DUSP22: variants seen among roughly 807,000 people sequenced by gnomAD.
DUSP22 encodes dual specificity protein phosphatase 22.
A neutral mutation model predicts 24.5 loss-of-function variants in DUSP22; 24 were observed. The ratio of observed to expected loss-of-function variants is 0.98; its 90% confidence interval spans 0.71 to 1.38. The LOEUF (loss-of-function observed/expected upper bound fraction) is 1.38. Ranked by LOEUF, DUSP22 falls within the 40% of genes most tolerant of loss-of-function variation. The probability of loss-of-function intolerance (pLI) is 0.00; values close to 1 mark genes in which losing one functional copy is unlikely to be tolerated. For missense variants in DUSP22, 330 were observed against 269.2 expected (o/e 1.23, Z -1.58); for synonymous variants, 160 against 106.4 (o/e 1.50, Z -3.10).
At chr6:312,221 AG>A (rs1242883039) in intron 3 of DUSP22, among the ~76,000 whole-genome samples, 3 of 152,308 alleles carry the variant, frequency 2.0e-5, no homozygotes, top group Non-Finnish European at 4.4e-5. Context: ...GAATAAGCTG[AG>A]GCTGCATTTC....
At chr6:296,181 T>G (rs2127387902) in intron 1 of DUSP22, among the ~76,000 whole-genome samples, 1 of 152,422 alleles carries the variant, frequency 6.6e-6, no homozygotes, top group African/African-American at 2.4e-5. Flanking sequence ...GGCAAGAAAC[T>G]AAAACTTTTT....
At chr6:311,834 A>G (rs1487501773) in intron 2 of DUSP22, 46 bp from the exon 3 acceptor site, 13 of 1,576,184 alleles carry the variant, frequency 8.2e-6, no homozygotes, top group Non-Finnish European at 1.1e-5. Flanking sequence ...AGGAGTAATT[A>G]ACTTGCAAAG....
At chr6:301,646 TGAGAGG>T (rs1757586156) in intron 1 of DUSP22, among the ~76,000 whole-genome samples, 1 of 152,290 alleles carries the variant, frequency 6.6e-6, no homozygotes, top group Non-Finnish European at 1.5e-5. Flanking sequence ...AGGGAGACTG[TGAGAGG>T]CCTTCTAATT....
At chr6:309,479 A>G (rs1757967191) in intron 2 of DUSP22, among the ~76,000 whole-genome samples, 1 of 152,300 alleles carries the variant, frequency 6.6e-6, no homozygotes, top group African/African-American at 2.4e-5. Context: ...TGGAGCAATG[A>G]AAAGAGTCTT....
At chr6:314,378 C>T (rs1308461945) in intron 3 of DUSP22, among the ~76,000 whole-genome samples, 1 of 152,282 alleles carries the variant, frequency 6.6e-6, no homozygotes, top group Non-Finnish European at 1.5e-5. Flanking sequence ...GGTCCTGCTA[C>T]ATCCATGCAG....
chr6:322,427 C>G (rs1000668539), intron 3 of DUSP22, among the ~76,000 whole-genome samples: 1 of 152,300 alleles, frequency 6.6e-6, no homozygotes, highest in Non-Finnish European at 1.5e-5. Context: ...TCAGGGTACT[C>G]TGGCCCCAGT....
Position 349,516 on chromosome 6 carries a change from G to A in DUSP22, c.*565G>A, listed in dbSNP as rs1055944273. The A allele has an allele frequency of 1.0e-6, 1 of 992,786 alleles. No homozygotes were observed. Among genetic ancestry groups the A allele is most frequent in the Non-Finnish European group, 1.2e-6 (1 of 834,930 alleles). The allele number at this position is 992,786 out of a possible 1,614,324, so 61.5% of individuals were successfully genotyped here. A position where few individuals can be genotyped will look rare whatever the true frequency, so the allele number is the denominator to read the frequency against. ...CTCTGAGCAGACCGTGAGAACTCAG[G>A]GGACGAGTGGCTAAGAGCATGGCCT... On this transcript the variant is annotated 3_prime_UTR_variant, in exon 7 of 7. Coordinates refer to ENST00000419235, the MANE Select transcript of DUSP22 (RefSeq NM_001286555.3).
chr6:345,028 A>G (rs985351999), intron 4 of DUSP22, among the ~76,000 whole-genome samples: 21 of 152,402 alleles, frequency 1.4e-4, no homozygotes, highest in African/African-American at 4.6e-4. Context: ...TGTGGTAACT[A>G]TGTGTTTCAG....
intron 4 of DUSP22, among the ~76,000 whole-genome samples, chr6:343,880 A>G: frequency 6.6e-6 from 1 of 152,428 alleles, no homozygotes; most frequent in East Asian, 1.9e-4. Context: ...AATGTCTTAC[A>G]GTTTATCAGA....
rs966218564 is a variant in DUSP22, at chr6:351,094, G to C, written c.*2143G>C. On this transcript the variant is annotated 3_prime_UTR_variant, in exon 7 of 7. Coordinates refer to ENST00000419235, the MANE Select transcript of DUSP22 (RefSeq NM_001286555.3). ...ACTGCTGTGGAGGTTTCTGTACCTC[G>C]CTTGGATGCCTGTAAGGATCCCGGG... 5.8e-6 allele frequency: 4 copies of C among 689,882 alleles called. No individual in the cohort carries two copies. Among genetic ancestry groups the C allele is most frequent in the South Asian group, 2.0e-5 (1 of 50,410 alleles). The allele number at this position is 689,882 out of a possible 1,614,324, so 42.7% of individuals were successfully genotyped here.
At chr6:346,360 G>A (rs113672874) in intron 5 of DUSP22, among the ~76,000 whole-genome samples, 6,592 of 150,164 alleles carry the variant, frequency 0.044, no homozygotes, top group African/African-American at 0.15. Context: ...TCAGTATCGC[G>A]CTACTGTGAC....
chr6:293,968 G>A (rs1425347866), intron 1 of DUSP22, among the ~76,000 whole-genome samples: 1 of 152,236 alleles, frequency 6.6e-6, no homozygotes, highest in Non-Finnish European at 1.5e-5. Context: ...TAAGTCTGTG[G>A]GCTCCGTTTG....
chr6:310,775 G>T (rs1263570523), intron 2 of DUSP22, among the ~76,000 whole-genome samples: 2 of 152,304 alleles, frequency 1.3e-5, no homozygotes, highest in East Asian at 1.9e-4. Context: ...GTCTCATGCA[G>T]AAAGACTGAC....
chr6:293,625 G>T (rs1757194770), intron 1 of DUSP22, among the ~76,000 whole-genome samples: 1 of 152,286 alleles, frequency 6.6e-6, no homozygotes, highest in Admixed American at 6.5e-5. Context: ...GGGTGTTGGG[G>T]CTGGAGTGTT....
chr6:321,031 A>G (rs1218436702), intron 3 of DUSP22, among the ~76,000 whole-genome samples: 1 of 152,298 alleles, frequency 6.6e-6, no homozygotes, highest in African/African-American at 2.4e-5. Context: ...CACCCAGGGG[A>G]GGCGGCTAAC....
intron 2 of DUSP22, among the ~76,000 whole-genome samples, chr6:307,947 C>T (rs1217645745): frequency 6.6e-6 from 1 of 152,308 alleles, no homozygotes; most frequent in African/African-American, 2.4e-5. Context: ...ATATGTCCAT[C>T]CAGACTTATT....
At chr6:338,237 T>TAAC (rs1759450029) in intron 4 of DUSP22, among the ~76,000 whole-genome samples, 1 of 152,312 alleles carries the variant, frequency 6.6e-6, no homozygotes, top group African/African-American at 2.4e-5. Flanking sequence ...CTTGCTGTAC[T>TAAC]AAAGTTATGT....
rs755156332 is a variant in DUSP22, at chr6:348,914, C to A, written c.581C>A (p.Ala194Asp). 3.7e-6 allele frequency: 6 copies of A among 1,612,452 alleles called. No individual in the cohort carries two copies. The highest frequency in any genetic ancestry group is 5.1e-6 in the Non-Finnish European group (6 of 1,179,058). The change falls in exon 7 of 7, where the codon GCT (alanine) becomes GAT (aspartate). Residue 194 changes from alanine to aspartate, a missense_variant. Ala to Asp is a moderately radical substitution (Grantham distance 126). Coordinates refer to ENST00000419235, the MANE Select transcript of DUSP22 (RefSeq NM_001286555.3). ...ARRWSSFPAL[A>D]PLTYDNYTTE... ...CGGTGGAGCAGTTTTCCGGCACTGG[C>A]TCCGCTGACCTACGATAATTATACG... is the stretch of plus-strand genomic sequence containing the variant.
intron 3 of DUSP22, among the ~76,000 whole-genome samples, chr6:328,772 G>T (rs1048411581): frequency 9.8e-5 from 15 of 152,306 alleles, no homozygotes; most frequent in African/African-American, 3.4e-4. Context: ...ATCTGCCGTG[G>T]CGGCTTTCTG....
Sources: gnomAD v4.1 joint callset for allele counts (sites outside exome capture counted in the v4.1 genomes callset) on GRCh38, gnomAD v4.1.1 for gene constraint, MANE v1.5 for transcripts, NCBI Gene and HGNC (gene_info 2026-07-23, HGNC 2026-07-21) for gene names.